Variants in ARHGEF11 observed in about 807,000 individuals in gnomAD.
ARHGEF11 encodes Rho guanine nucleotide exchange factor 11, also known as Rho guanine exchange factor (GEF) 11.
A neutral mutation model predicts 193.7 loss-of-function variants in ARHGEF11; 55 were observed. The observed-to-expected ratio is 0.28, with a 90% CI of 0.23 to 0.36. The LOEUF (loss-of-function observed/expected upper bound fraction) is 0.36. ARHGEF11 is among the 10% of genes least tolerant of loss of function. The pLI, the probability that ARHGEF11 is intolerant of heterozygous loss-of-function variation, is 1.00. For synonymous variants in ARHGEF11, 693 were observed against 768.0 expected (o/e 0.90, Z 1.62); for missense variants, 1,723 against 2,005.6 (o/e 0.86, Z 2.69).
chr1:157,046,228 G>A (rs1264054647), upstream of ARHGEF11, among the ~76,000 whole-genome samples: 5 of 140,274 alleles, frequency 3.6e-5, no homozygotes, highest in Non-Finnish European at 7.7e-5. Context: ...CGCCGTCCCC[G>A]CCGCCGCCAC....
chr1:157,035,217 T>G (rs1415493713), intron 1 of ARHGEF11, among the ~76,000 whole-genome samples: 1 of 152,074 alleles, frequency 6.6e-6, no homozygotes, highest in Non-Finnish European at 1.5e-5. Context: ...CTGTGTTTGT[T>G]CACTATGGTC....
At chr1:156,942,398 G>GA (rs1298879435) in intron 33 of ARHGEF11, among the ~76,000 whole-genome samples, 1 of 152,194 alleles carries the variant, frequency 6.6e-6, no homozygotes, top group Non-Finnish European at 1.5e-5. Context: ...AAGGATGCAT[G>GA]AATCTAATCT....
rs1231717476 is a variant in ARHGEF11 at position 157,024,733 on chromosome 1, C to CA, written c.32+19565dup. On this transcript the variant is annotated intron_variant, in intron 1 of 40. Coordinates refer to ENST00000368194, the MANE Select transcript of ARHGEF11 (RefSeq NM_198236.3). Reference sequence around the variant, plus strand: ...AAAGATAAAATGAATGGGTGAAAGGCAAAAAAAAAAAACAGAAACCTATCT... The same window carrying CA: ...AAAGATAAAATGAATGGGTGAAAGGCAAAAAAAAAAAAACAGAAACCTATCT... 5.3e-3 allele frequency among the ~76,000 whole-genome samples: 637 copies of CA among 119,084 alleles called. 4 individuals carry two copies. Among genetic ancestry groups the CA allele is most frequent in the Middle Eastern group, 8.1e-3 (2 of 246 alleles). 78.1% of individuals were successfully genotyped at this position (119,084 alleles called of 152,430 possible). A position where few individuals can be genotyped will look rare whatever the true frequency, so the allele number is the denominator to read the frequency against.
intron 1 of ARHGEF11, among the ~76,000 whole-genome samples, chr1:157,041,403 T>G (rs953033472): frequency 3.3e-5 from 5 of 152,176 alleles, no homozygotes; most frequent in African/African-American, 9.7e-5. Context: ...TGCAAATACT[T>G]TATGCTTTCT....
intron 1 of ARHGEF11, among the ~76,000 whole-genome samples, chr1:156,999,968 T>G (rs1211596364): frequency 1.3e-5 from 2 of 152,220 alleles, no homozygotes; most frequent in African/African-American, 2.4e-5. Context: ...CAAGAGTATC[T>G]TTTTAAAATT....
At chr1:156,990,614 C>G (rs1197551299) in intron 1 of ARHGEF11, among the ~76,000 whole-genome samples, 1 of 152,148 alleles carries the variant, frequency 6.6e-6, no homozygotes, top group East Asian at 1.9e-4. Context: ...AGAATGTCAT[C>G]TCATCCCTTT....
At chr1:157,008,368 G>A (rs1279661410) in intron 1 of ARHGEF11, among the ~76,000 whole-genome samples, 8 of 150,114 alleles carry the variant, frequency 5.3e-5, no homozygotes. Flanking sequence ...TGGGGTTGGT[G>A]TCCTTCTAAG....
intron 17 of ARHGEF11, 32 bp from the exon 18 acceptor site, chr1:156,957,847 C>T: frequency 1.9e-6 from 3 of 1,613,336 alleles, no homozygotes; most frequent in Non-Finnish European, 2.5e-6. Flanking sequence ...ATGACTCAGA[C>T]TGCAAAGACA....
At position 156,935,936 on chromosome 1, in the gene ARHGEF11, C is replaced by A. The variant is rs558618846; in HGVS notation, c.*64G>T. 7 of 1,543,196 alleles carry A rather than the reference C, an allele frequency of 4.5e-6. No homozygotes were observed. The highest frequency in any genetic ancestry group is 2.7e-5 in the African/African-American group (2 of 73,382). Reference sequence around the variant, plus strand: ...GTGTTGGGATCCCCCCTACCCTGTGCCCCGGTCTCAGGCCAGTCCCTGAAG... The same window carrying A: ...GTGTTGGGATCCCCCCTACCCTGTGACCCGGTCTCAGGCCAGTCCCTGAAG... On this transcript the variant is annotated 3_prime_UTR_variant, in exon 41 of 41. Coordinates refer to ENST00000368194, the MANE Select transcript of ARHGEF11 (RefSeq NM_198236.3).
At chr1:156,947,274 G>C (rs1180336786) in intron 26 of ARHGEF11, 30 bp downstream of exon 26, 2 of 1,579,286 alleles carry the variant, frequency 1.3e-6, no homozygotes, top group Non-Finnish European at 1.7e-6. Flanking sequence ...GGCAGCAGAA[G>C]AGGAGTCTGG....
At chr1:156,991,803 G>A (rs1173168312) in intron 1 of ARHGEF11, among the ~76,000 whole-genome samples, 2 of 125,922 alleles carry the variant, frequency 1.6e-5, no homozygotes, top group Non-Finnish European at 3.2e-5. Flanking sequence ...TGCAAGCTCC[G>A]CCTCCCGGGT....
chr1:157,023,671 C>CTT (rs1670271003), intron 1 of ARHGEF11, among the ~76,000 whole-genome samples: 4 of 151,220 alleles, frequency 2.6e-5, no homozygotes, highest in African/African-American at 9.7e-5. Flanking sequence ...GAAGCTGAGG[C>CTT]TGAAGAATCA....
chr1:157,019,365 A>G (rs891570313), intron 1 of ARHGEF11, among the ~76,000 whole-genome samples: 4 of 152,236 alleles, frequency 2.6e-5, no homozygotes, highest in Admixed American at 2.6e-4. Flanking sequence ...AACATGGTTA[A>G]AATTAAAAAG....
rs1427447460 is a variant in ARHGEF11, at chr1:157,011,211, A to G, written c.33-25038T>C. Among the ~76,000 whole-genome samples the G allele has an allele frequency of 3.9e-5, 6 of 152,234 alleles. No individual in the cohort carries two copies. The South Asian group carries it at 1.2e-3, about 32-fold the overall frequency. ...TTTAGGGTCAATTCATTTTGACAACAGTGCCAGGACAATTCAGTGGAGAGG... is the reference window on the plus strand; with the variant it reads ...TTTAGGGTCAATTCATTTTGACAACGGTGCCAGGACAATTCAGTGGAGAGG... On this transcript the variant is annotated intron_variant, in intron 1 of 40. Coordinates refer to ENST00000368194, the MANE Select transcript of ARHGEF11 (RefSeq NM_198236.3).
intron 1 of ARHGEF11, among the ~76,000 whole-genome samples, chr1:156,992,007 C>T (rs1297482680): frequency 3.3e-5 from 5 of 152,106 alleles, no homozygotes; most frequent in East Asian, 1.9e-4. Flanking sequence ...TGAGCCACCG[C>T]GCCCGGCCAA....
intron 11 of ARHGEF11, among the ~76,000 whole-genome samples, chr1:156,967,634 T>C (rs890340150): frequency 2.0e-5 from 3 of 152,322 alleles, no homozygotes; most frequent in Middle Eastern, 3.4e-3. Flanking sequence ...GAAAAGGATT[T>C]TGCTAAGGAA....
intron 8 of ARHGEF11, 58 bp downstream of exon 8, chr1:156,971,639 A>T: frequency 6.4e-7 from 1 of 1,557,168 alleles, no homozygotes; most frequent in Non-Finnish European, 8.7e-7. Flanking sequence ...TTTTTCCCTC[A>T]CTCTACCCCC....
chr1:156,956,242 G>A (rs758822171), intron 19 of ARHGEF11, among the ~76,000 whole-genome samples, 178 bp downstream of exon 19: 1 of 152,000 alleles, frequency 6.6e-6, no homozygotes, highest in Non-Finnish European at 1.5e-5. Context: ...TCAGCCTCCC[G>A]ATTAGCTGGG....
intron 1 of ARHGEF11, among the ~76,000 whole-genome samples, chr1:157,029,404 T>A (rs972829907): frequency 6.6e-6 from 1 of 152,104 alleles, no homozygotes; most frequent in African/African-American, 2.4e-5. Flanking sequence ...CCTGAGTAGC[T>A]GGGACTACAG....
Sources: gnomAD v4.1 joint callset for allele counts (sites outside exome capture counted in the v4.1 genomes callset) on GRCh38, gnomAD v4.1.1 for gene constraint, MANE v1.5 for transcripts, NCBI Gene and HGNC (gene_info 2026-07-23, HGNC 2026-07-21) for gene names.